The following WNK1 variants were observed in gnomAD, a reference collection of about 807,000 sequenced individuals.
WNK1 encodes the protein WNK lysine deficient protein kinase 1.
WNK1 carries 38 observed loss-of-function variants against 222.8 expected under a neutral mutation model. That is an observed-to-expected ratio of 0.17 (90% CI 0.13 to 0.22). The LOEUF is 0.22. Among genes scored for constraint, WNK1 ranks in the 10% least tolerant of loss-of-function variants. The pLI is 1.00. For synonymous variants in WNK1, 1,090 were observed against 1,092.9 expected, an observed-to-expected ratio of 1.00 and a Z score of 0.05; for missense variants, 2,348 against 2,918.4, an observed-to-expected ratio of 0.80 and a Z score of 4.50.
At chr12:770,315 C>T (rs904725386) in intron 1 of WNK1, among the ~76,000 whole-genome samples, 19 of 152,102 alleles carry the variant, frequency 1.2e-4, no homozygotes, top group Non-Finnish European at 2.5e-4. Flanking sequence ...GGGGAGGAAG[C>T]ATTTAGACCA....
chr12:847,250 A>G (rs1950087717), intron 4 of WNK1, among the ~76,000 whole-genome samples: 1 of 152,228 alleles, frequency 6.6e-6, no homozygotes, highest in African/African-American at 2.4e-5. Flanking sequence ...AAGGATATAG[A>G]AAGATTGTTT....
intron 1 of WNK1, among the ~76,000 whole-genome samples, chr12:804,366 G>A (rs1401233182): frequency 1.3e-5 from 2 of 151,824 alleles, no homozygotes; most frequent in African/African-American, 4.8e-5. Flanking sequence ...ACAATGTTGT[G>A]CAATTACTAT....
Position 885,061 on chromosome 12 carries a change from T to C in WNK1, c.4257T>C (p.Pro1419=), listed in dbSNP as rs1378839657. The part of the protein sequence containing the change: ...LSSVVSSITI[P]AVVSISTTSP... ...GCGTAGTTTCAAGTATCACAATACCTGCAGTTGTCTCAATATCTACTACAT... is the reference window on the plus strand; with the variant it reads ...GCGTAGTTTCAAGTATCACAATACCCGCAGTTGTCTCAATATCTACTACAT... Residue 1419 remains proline (P), a synonymous_variant, in exon 19 of 28, where the codon CCT becomes CCC. Transcript: ENST00000315939. 6.2e-7 allele frequency: 1 copy of C among 1,614,088 alleles called. No individual in the cohort carries two copies. Among genetic ancestry groups the C allele is most frequent in the Non-Finnish European group, 8.5e-7 (1 of 1,180,038 alleles).
chr12:753,783 C>G lies in WNK1; in HGVS notation c.218C>G (p.Thr73Ser), dbSNP rs1939546468. Residue 73 changes from threonine to serine, a missense_variant, in exon 1 of 28, where the codon ACC becomes AGC. Transcript: ENST00000315939. This position sits in a 1 kb window ranked among gnomAD's most constrained non-coding sequence, Gnocchi z 5.2. ...KDSRGAAATT[T>S]TTEHRFFRRS... is the part of the protein sequence containing the mutation. ...AGCCGTGGGGCGGCCGCGACCACTA[C>G]CACCACTGAGCACCGCTTCTTCCGC... is the stretch of plus-strand genomic sequence containing the variant. The G allele has an allele frequency of 6.2e-7, 1 of 1,612,484 alleles. No individual in the cohort carries two copies. Among genetic ancestry groups the G allele is most frequent in the African/African-American group, 1.3e-5 (1 of 74,942 alleles).
intron 8 of WNK1, among the ~76,000 whole-genome samples, chr12:864,169 G>A (rs556869753): frequency 3.4e-5 from 5 of 146,190 alleles, no homozygotes; most frequent in South Asian, 4.3e-4. Context: ...ATACAGTGGC[G>A]TGATCTTGGC....
intron 1 of WNK1, among the ~76,000 whole-genome samples, chr12:809,754 A>G (rs1317619299): frequency 6.6e-6 from 1 of 152,154 alleles, no homozygotes; most frequent in Non-Finnish European, 1.5e-5. Flanking sequence ...CCTATGAGAG[A>G]GTTGCCAGAC....
intron 8 of WNK1, among the ~76,000 whole-genome samples, chr12:863,553 G>GA (rs1365284362): frequency 6.6e-6 from 1 of 151,698 alleles, no homozygotes; most frequent in Non-Finnish European, 1.5e-5. Context: ...ATTTTGCTAA[G>GA]ACTTTTTTTT....
intron 1 of WNK1, among the ~76,000 whole-genome samples, chr12:779,764 A>G (rs944461181): frequency 1.4e-4 from 21 of 152,224 alleles, no homozygotes; most frequent in African/African-American, 4.3e-4. Context: ...CTGGACTGTG[A>G]AATTAAAATA....
At position 756,449 on chromosome 12, in the gene WNK1, T is replaced by C. The variant is rs76608180; in HGVS notation, c.759+2125T>C. ...TTAATTCTCTATCTAGGCATGGGCA[T>C]TACCAAACTAAAGAAAATCTTACAT... is the stretch of plus-strand genomic sequence containing the variant. On this transcript the variant is annotated intron_variant, in intron 1 of 27. Coordinates refer to ENST00000315939, the MANE Select transcript of WNK1 (RefSeq NM_018979.4). Among the ~76,000 whole-genome samples the C allele has an allele frequency of 6.1e-3, 925 of 152,338 alleles. 6 individuals are homozygous for C. The highest frequency in any genetic ancestry group is 0.031 in the South Asian group (152 of 4,830).
chr12:780,460 G>A (rs1943583121), intron 1 of WNK1, among the ~76,000 whole-genome samples: 1 of 152,178 alleles, frequency 6.6e-6, no homozygotes, highest in South Asian at 2.1e-4. Context: ...GAAGTGTGTT[G>A]CATTCCTAAG....
chr12:799,673 C>A lies in WNK1; in HGVS notation c.760-13969C>A, dbSNP rs530739712. Among the ~76,000 whole-genome samples the A allele has an allele frequency of 2.0e-5, 3 of 152,036 alleles. No homozygotes were observed. In the East Asian group the frequency reaches 5.8e-4, roughly 30 times the overall value. ...CCTGGGCAACATAGTGAGACCCTGACATTACAAAAAGTTTTTATTTATTTA... is the reference window on the plus strand; with the variant it reads ...CCTGGGCAACATAGTGAGACCCTGAAATTACAAAAAGTTTTTATTTATTTA... On this transcript the variant is annotated intron_variant, in intron 1 of 27. Coordinates refer to ENST00000315939, the MANE Select transcript of WNK1 (RefSeq NM_018979.4).
intron 1 of WNK1, among the ~76,000 whole-genome samples, chr12:795,862 T>C (rs1945269862): frequency 6.6e-6 from 1 of 152,184 alleles, no homozygotes; most frequent in East Asian, 1.9e-4. Flanking sequence ...TCTCTTTTTA[T>C]CCATTGGCTT....
intron 1 of WNK1, among the ~76,000 whole-genome samples, chr12:798,472 G>T (rs756312842): frequency 1.4e-4 from 22 of 152,260 alleles, no homozygotes; most frequent in African/African-American, 5.3e-4. Context: ...GATGACAGGC[G>T]TGAGCCACCA....
At chr12:841,710 C>T (rs1447870264) in intron 4 of WNK1, among the ~76,000 whole-genome samples, 4 of 152,218 alleles carry the variant, frequency 2.6e-5, no homozygotes, top group African/African-American at 9.6e-5. Flanking sequence ...AGCCCAAGAT[C>T]AGGTGCCATC....
At chr12:799,585 T>C (rs1000372058) in intron 1 of WNK1, among the ~76,000 whole-genome samples, 1 of 152,240 alleles carries the variant, frequency 6.6e-6, no homozygotes, top group African/African-American at 2.4e-5. Context: ...TTACACCTTG[T>C]AATCGCAGCA....
rs35813354 is a variant in WNK1 at position 762,062 on chromosome 12, A to AT, written c.759+7753dup. Among the ~76,000 whole-genome samples the AT allele has an allele frequency of 8.1e-4, 99 of 122,628 alleles. 5 individuals carry two copies. Among genetic ancestry groups the AT allele is most frequent in the Admixed American group, 1.3e-3 (16 of 12,348 alleles). The allele number at this position is 122,628 out of a possible 152,430, so 80.4% of individuals were successfully genotyped here. On this transcript the variant is annotated intron_variant, in intron 1 of 27. Coordinates refer to ENST00000315939, the MANE Select transcript of WNK1 (RefSeq NM_018979.4). The stretch of plus-strand genomic sequence containing the variant: ...CCTGTATAGTTTATTTTTTAATTTA[A>AT]TTTTTTTTTTTTTTTGAGGCTGAGT...
chr12:803,303 TA>T (rs1946055137), intron 1 of WNK1, among the ~76,000 whole-genome samples: 1 of 152,196 alleles, frequency 6.6e-6, no homozygotes, highest in African/African-American at 2.4e-5. Context: ...TTGAGCAATG[TA>T]AGTACAGAAA....
At chr12:839,124 T>C (rs1276238158) in intron 4 of WNK1, among the ~76,000 whole-genome samples, 2 of 152,156 alleles carry the variant, frequency 1.3e-5, no homozygotes, top group African/African-American at 4.8e-5. Flanking sequence ...CTAATCAAGT[T>C]TGGACAGGTT....
intron 4 of WNK1, among the ~76,000 whole-genome samples, chr12:832,118 C>T (rs1948845346): frequency 6.6e-6 from 1 of 152,032 alleles, no homozygotes; most frequent in South Asian, 2.1e-4. Context: ...CTCTGTCGCC[C>T]AGGCTGGAGT....
Sources: allele counts gnomAD v4.1 joint callset (sites outside exome capture counted in the v4.1 genomes callset), GRCh38; gene constraint gnomAD v4.1.1; non-coding constraint Gnocchi (gnomAD v3.1); transcripts MANE v1.5; gene names NCBI Gene and HGNC (gene_info 2026-07-23, HGNC 2026-07-21).